The following VPS13C variants were observed in gnomAD, a reference collection of about 807,000 sequenced individuals.
VPS13C encodes the protein intermembrane lipid transfer protein VPS13C.
A neutral mutation model predicts 456.8 loss-of-function variants in VPS13C; 358 were observed. The ratio of observed to expected loss-of-function variants is 0.78; its 90% CI spans 0.72 to 0.86. The LOEUF (loss-of-function observed/expected upper bound fraction) is 0.86, where lower values mean the gene tolerates loss of function less well. Among genes scored for constraint, VPS13C ranks in the 40% least tolerant of loss-of-function variants. The pLI is 0.00. For missense variants in VPS13C, 4,818 were observed against 4,385.4 expected (o/e 1.10, Z -2.79); for synonymous variants, 1,578 against 1,486.7 (o/e 1.06, Z -1.41).
At chr15:61,933,095 A>T (rs1398808200) in intron 49 of VPS13C, among the ~76,000 whole-genome samples, 4 of 152,344 alleles carry the variant, frequency 2.6e-5, no homozygotes, top group African/African-American at 9.6e-5. Context: ...AGCAGCAGTG[A>T]GAAGTGATAG....
Position 61,880,639 on chromosome 15 carries a change from G to A in VPS13C, c.9972C>T (p.Phe3324=). The change falls in exon 73 of 85, where the codon TTC becomes TTT. Residue 3324 remains phenylalanine, a synonymous_variant. Transcript: ENST00000644861. ...CAGGAGAAATATGGAAATGTTCAAAGAAACTAAGAATTGACATATCAGTCA... is the reference window on the plus strand; with the variant it reads ...CAGGAGAAATATGGAAATGTTCAAAAAAACTAAGAATTGACATATCAGTCA... ...TSMTDMSILS[F]FEHFHISPVK... 1.3e-6 allele frequency: 2 copies of A among 1,590,414 alleles called. No homozygotes were observed. Among genetic ancestry groups the A allele is most frequent in the Non-Finnish European group, 8.5e-7 (1 of 1,169,994 alleles).
At chr15:62,036,145 T>G (rs1321813056) in intron 3 of VPS13C, among the ~76,000 whole-genome samples, 1 of 152,022 alleles carries the variant, frequency 6.6e-6, no homozygotes, top group Non-Finnish European at 1.5e-5. Flanking sequence ...ATTTTTAAAC[T>G]TATATTTAAA....
At chr15:61,968,098 T>G (rs1404187523) in intron 28 of VPS13C, among the ~76,000 whole-genome samples, 1 of 152,042 alleles carries the variant, frequency 6.6e-6, no homozygotes, top group Non-Finnish European at 1.5e-5. Flanking sequence ...AATGTAAACC[T>G]TATCTTAACA....
chr15:62,012,087 A>T lies in VPS13C; in HGVS notation c.883+20T>A. The T allele has an allele frequency of 7.4e-7, 1 of 1,359,544 alleles. No individual in the cohort carries two copies. The highest frequency in any genetic ancestry group is 2.3e-5 in the East Asian group (1 of 42,910). The allele number at this position is 1,359,544 out of a possible 1,614,324, so 84.2% of individuals were successfully genotyped here. On this transcript the variant is annotated intron_variant, in intron 12 of 84. Coordinates refer to ENST00000644861, the MANE Select transcript of VPS13C (RefSeq NM_020821.3). The stretch of plus-strand genomic sequence containing the variant: ...TATGTTTCTTCCTATAACATGAAAT[A>T]AACTTTTACTATTACTTACTGTATT...
At chr15:61,974,832 T>G (rs1260700144) in intron 24 of VPS13C, among the ~76,000 whole-genome samples, 2 of 152,118 alleles carry the variant, frequency 1.3e-5, no homozygotes, top group Non-Finnish European at 2.9e-5. Flanking sequence ...ACATATCACA[T>G]TTATATTTGT....
intron 47 of VPS13C, among the ~76,000 whole-genome samples, chr15:61,938,882 T>C (rs779104888): frequency 6.6e-6 from 1 of 152,202 alleles, no homozygotes; most frequent in African/African-American, 2.4e-5. Context: ...TTTCCATGAA[T>C]ACTTTTCTTA....
chr15:61,927,159 A>G lies in VPS13C; in HGVS notation c.6448T>C (p.Ser2150Pro). 2 of 1,614,176 alleles carry G rather than the reference A, an allele frequency of 1.2e-6. No homozygotes were observed. Among genetic ancestry groups the G allele is most frequent in the Non-Finnish European group, 1.7e-6 (2 of 1,180,034 alleles). ...TSKLEQMMEA[S>P]VRDLKVLACP... ...GCGAGCACTTTCAGATCTCTCACAG[A>G]AGCTTCCATCATCTGTTCGAGTTTG... The change falls in exon 52 of 85, where the codon TCT becomes CCT. Residue 2150 changes from serine to proline, a missense_variant. Ser to Pro is a moderately conservative substitution (Grantham distance 74). Transcript: ENST00000644861.
At chr15:61,864,043 A>G (rs1337974746) in intron 81 of VPS13C, 1 of 153,042 alleles carries the variant, frequency 6.5e-6, no homozygotes, top group African/African-American at 2.4e-5. Context: ...GTGATCTCAA[A>G]GATTAAGAAC....
chr15:61,945,489 C>T (rs1487140886), intron 45 of VPS13C, among the ~76,000 whole-genome samples: 3 of 152,084 alleles, frequency 2.0e-5, no homozygotes, highest in Non-Finnish European at 4.4e-5. Context: ...AAATGTATAC[C>T]TGTGGAAATG....
chr15:61,955,316 C>A (rs778068556), intron 37 of VPS13C, among the ~76,000 whole-genome samples: 1 of 152,110 alleles, frequency 6.6e-6, no homozygotes, highest in African/African-American at 2.4e-5. Context: ...GAGGTTCAGA[C>A]AGATTCAGTC....
chr15:62,045,474 A>G (rs1487806107), intron 1 of VPS13C, among the ~76,000 whole-genome samples: 3 of 152,108 alleles, frequency 2.0e-5, no homozygotes, highest in Non-Finnish European at 4.4e-5. Context: ...GGGCAAATAG[A>G]TAAGTGTGAG....
chr15:61,868,830 G>T (rs1432558551), intron 80 of VPS13C, 57 bp from the exon 81 acceptor site: 4 of 1,338,512 alleles, frequency 3.0e-6, no homozygotes, highest in Non-Finnish European at 4.2e-6. Context: ...TCAAAATAAT[G>T]TGTGTGTTGA....
At chr15:61,891,457 A>T (rs2042647860) in intron 66 of VPS13C, among the ~76,000 whole-genome samples, 1 of 152,208 alleles carries the variant, frequency 6.6e-6, no homozygotes, top group South Asian at 2.1e-4. Flanking sequence ...TCTAATAAGA[A>T]ATCAAATTTT....
intron 18 of VPS13C, 47 bp from the exon 19 acceptor site, chr15:61,985,046 TTAC>T: frequency 7.9e-7 from 1 of 1,265,930 alleles, no homozygotes; most frequent in Non-Finnish European, 1.0e-6. Flanking sequence ...TAAATAATTA[TTAC>T]TTTCTTTAAT....
intron 74 of VPS13C, among the ~76,000 whole-genome samples, chr15:61,877,535 A>G (rs1422582172): frequency 1.3e-5 from 2 of 150,038 alleles, no homozygotes; most frequent in East Asian, 3.9e-4. Flanking sequence ...TTTTTGCTAA[A>G]ATAATTAATG....
intron 1 of VPS13C, among the ~76,000 whole-genome samples, chr15:62,056,531 G>A (rs1031371761): frequency 6.6e-5 from 10 of 152,166 alleles, no homozygotes; most frequent in African/African-American, 2.2e-4. Context: ...AGCGAAAAGT[G>A]TCAAGGAAAA....
intron 41 of VPS13C, 33 bp downstream of exon 41, chr15:61,950,325 A>T: frequency 6.5e-7 from 1 of 1,548,396 alleles, no homozygotes; most frequent in South Asian, 1.1e-5. Context: ...AATCAACACA[A>T]CCCAACCTTA....
intron 4 of VPS13C, among the ~76,000 whole-genome samples, chr15:62,034,088 T>C (rs1289885027): frequency 2.0e-5 from 3 of 151,704 alleles, no homozygotes; most frequent in African/African-American, 7.2e-5. Flanking sequence ...ATTACAATGA[T>C]GTATTTATAG....
chr15:61,956,845 T>TTC (rs1432981895), intron 37 of VPS13C, among the ~76,000 whole-genome samples: 1 of 152,160 alleles, frequency 6.6e-6, no homozygotes, highest in Non-Finnish European at 1.5e-5. Context: ...ACATTGCTGC[T>TTC]AGGAAAGTAA....
Sources: allele counts gnomAD v4.1 joint callset (sites outside exome capture counted in the v4.1 genomes callset), GRCh38; gene constraint gnomAD v4.1.1; transcripts MANE v1.5; gene names NCBI Gene and HGNC (gene_info 2026-07-23, HGNC 2026-07-21).